Variants in DLC1 observed in about 807,000 individuals in gnomAD.
DLC1 encodes rho GTPase-activating protein 7.
A neutral mutation model predicts 140.3 loss-of-function variants in DLC1; 54 were observed. That is an observed-to-expected ratio of 0.38 (90% CI 0.31 to 0.48). The LOEUF (loss-of-function observed/expected upper bound fraction) is 0.48. Ranked by LOEUF, DLC1 falls within the 20% of genes least tolerant of loss-of-function variation. The pLI, the probability that DLC1 is intolerant of heterozygous loss-of-function variation, is 0.96. For synonymous variants in DLC1, 986 were observed against 728.1 expected, an observed-to-expected ratio of 1.35 and a Z score of -5.70; for missense variants, 2,536 against 1,907.0, an observed-to-expected ratio of 1.33 and a Z score of -6.14.
chr8:13,441,825 C>G (rs1223652856), intron 2 of DLC1, among the ~76,000 whole-genome samples: 1 of 152,082 alleles, frequency 6.6e-6, no homozygotes, highest in Non-Finnish European at 1.5e-5. Context: ...CATCAAGCTA[C>G]CAATAACTTT....
intron 1 of DLC1, among the ~76,000 whole-genome samples, chr8:13,586,031 G>A (rs978432457): frequency 6.6e-6 from 1 of 152,286 alleles, no homozygotes; most frequent in African/African-American, 2.4e-5. Context: ...TCAAGGGAAT[G>A]ATTCTCAACC....
intron 1 of DLC1, among the ~76,000 whole-genome samples, chr8:13,592,370 A>G (rs1306843785): frequency 6.6e-6 from 1 of 151,614 alleles, no homozygotes; most frequent in African/African-American, 2.4e-5. Context: ...TTATATTTTT[A>G]TATTTGTCTT....
intron 2 of DLC1, among the ~76,000 whole-genome samples, chr8:13,452,788 A>G (rs375047182): frequency 6.6e-6 from 1 of 152,170 alleles, no homozygotes; most frequent in Non-Finnish European, 1.5e-5. Flanking sequence ...GCATACAATC[A>G]TACACGCTTG....
intron 5 of DLC1, among the ~76,000 whole-genome samples, chr8:13,123,406 T>A (rs1821271839): frequency 6.6e-6 from 1 of 150,666 alleles, no homozygotes; most frequent in Admixed American, 6.6e-5. Flanking sequence ...AGTGGCACAA[T>A]CTTGGCTCAC....
intron 2 of DLC1, among the ~76,000 whole-genome samples, chr8:13,404,984 G>A (rs148044743): frequency 0.016 from 2,477 of 152,120 alleles, 41 homozygotes; most frequent in South Asian, 0.055. Flanking sequence ...TCCAGCATGG[G>A]CAATGAGAGT....
intron 1 of DLC1, among the ~76,000 whole-genome samples, chr8:13,561,352 A>G (rs1804236542): frequency 2.0e-5 from 3 of 152,100 alleles, no homozygotes; most frequent in South Asian, 2.1e-4. Context: ...TTCATTTTGT[A>G]GAAACAAGTT....
At chr8:13,404,844 AT>A (rs1276710914) in intron 2 of DLC1, among the ~76,000 whole-genome samples, 2 of 151,990 alleles carry the variant, frequency 1.3e-5, no homozygotes, top group Admixed American at 1.3e-4. Context: ...CTAAAAATAT[AT>A]TTTTTTAAAA....
chr8:13,560,542 C>T (rs1431914965), intron 1 of DLC1, among the ~76,000 whole-genome samples: 3 of 152,090 alleles, frequency 2.0e-5, no homozygotes, highest in Non-Finnish European at 4.4e-5. Context: ...TACTAAAAGT[C>T]GACCCCAAAA....
intron 5 of DLC1, among the ~76,000 whole-genome samples, chr8:13,268,034 C>G (rs958600334): frequency 1.3e-5 from 2 of 152,088 alleles, no homozygotes; most frequent in African/African-American, 4.8e-5. Context: ...AGTTCTACAG[C>G]CCATATGTGC....
At chr8:13,377,354 A>G (rs1254436971) in intron 4 of DLC1, among the ~76,000 whole-genome samples, 1 of 152,200 alleles carries the variant, frequency 6.6e-6, no homozygotes, top group Non-Finnish European at 1.5e-5. Context: ...TAAATAATCT[A>G]AAGATGGTCA....
intron 4 of DLC1, among the ~76,000 whole-genome samples, chr8:13,330,467 C>G (rs1833540534): frequency 6.6e-6 from 1 of 152,236 alleles, no homozygotes; most frequent in African/African-American, 2.4e-5. Flanking sequence ...CTGTTGATCT[C>G]TGCCTCTTTT....
intron 4 of DLC1, among the ~76,000 whole-genome samples, chr8:13,349,558 T>A (rs1193128944): frequency 1.3e-5 from 2 of 152,060 alleles, no homozygotes; most frequent in Non-Finnish European, 1.5e-5. Context: ...AGGAAACACG[T>A]TTTAGAGTGT....
chr8:13,346,755 T>G (rs566252459), intron 4 of DLC1, among the ~76,000 whole-genome samples: 34 of 152,310 alleles, frequency 2.2e-4, no homozygotes, highest in African/African-American at 8.2e-4. Context: ...CAAGCCCCTG[T>G]TATTGGCTCT....
chr8:13,275,410 T>C (rs1831119658), intron 5 of DLC1, among the ~76,000 whole-genome samples: 1 of 152,200 alleles, frequency 6.6e-6, no homozygotes. Context: ...AACAACTGGA[T>C]TGACCAAAGA....
intron 13 of DLC1, among the ~76,000 whole-genome samples, chr8:13,091,744 C>A (rs573924843): frequency 1.3e-5 from 2 of 152,226 alleles, no homozygotes; most frequent in South Asian, 2.1e-4. Flanking sequence ...GGAGCAACTT[C>A]TGAGGAGTGT....
chr8:13,099,942 C>T lies in DLC1; in HGVS notation c.2395G>A (p.Glu799Lys), dbSNP rs750073514. The change falls in exon 9 of 18, where the codon GAG becomes AAG. Residue 799 changes from glutamate to lysine, a missense_variant. Glu to Lys is a moderately conservative substitution (Grantham distance 56). Transcript: ENST00000276297. Reference protein sequence around the residue: ...NVVEQNFKNRESYPEDTVFYI... With the variant: ...NVVEQNFKNRKSYPEDTVFYI... ...AACACCGTGTCCTCTGGGTAGCTCT[C>T]GCGGTTCTTAAAGTTCTGCTCCACC... The T allele has an allele frequency of 9.9e-6, 16 of 1,613,498 alleles. No individual in the cohort carries two copies. Among genetic ancestry groups the T allele is most frequent in the Non-Finnish European group, 1.3e-5 (15 of 1,180,022 alleles).
chr8:13,234,683 A>T (rs1284206501), intron 5 of DLC1, among the ~76,000 whole-genome samples: 2 of 151,930 alleles, frequency 1.3e-5, no homozygotes, highest in Non-Finnish European at 2.9e-5. Flanking sequence ...AGATAAAATA[A>T]TGGTGCATAT....
chr8:13,338,228 C>G (rs902307836), intron 4 of DLC1, among the ~76,000 whole-genome samples: 2 of 152,106 alleles, frequency 1.3e-5, no homozygotes, highest in African/African-American at 4.8e-5. Context: ...CAACCAGTCA[C>G]AGGTTTGTGG....
chr8:13,158,237 T>C (rs1824404358), intron 5 of DLC1, among the ~76,000 whole-genome samples: 1 of 152,244 alleles, frequency 6.6e-6, no homozygotes, highest in Non-Finnish European at 1.5e-5. Flanking sequence ...TGTGTCTGAC[T>C]TTTGTTAAGT....
Sources: allele counts gnomAD v4.1 joint callset (sites outside exome capture counted in the v4.1 genomes callset), GRCh38; gene constraint gnomAD v4.1.1; transcripts MANE v1.5; gene names NCBI Gene and HGNC (gene_info 2026-07-23, HGNC 2026-07-21).